Variants in DNMBP observed in about 807,000 individuals in gnomAD.
DNMBP encodes the protein dynamin binding protein, also known as dynamin-binding protein.
A neutral mutation model predicts 150.0 loss-of-function variants in DNMBP; 87 were observed. The ratio of observed to expected loss-of-function variants is 0.58; its 90% CI spans 0.49 to 0.69. The LOEUF is 0.69. DNMBP is among the 30% of genes least tolerant of loss of function. The probability of loss-of-function intolerance (pLI) is 0.00; values close to 1 mark genes in which losing one functional copy is unlikely to be tolerated. For synonymous variants in DNMBP, 711 were observed against 750.4 expected (o/e 0.95, Z 0.86); for missense variants, 1,774 against 1,949.0 (o/e 0.91, Z 1.69).
Position 99,885,779 on chromosome 10 carries a change from T to C in DNMBP, c.3706A>G (p.Thr1236Ala). 2 of 1,611,306 alleles carry C rather than the reference T, an allele frequency of 1.2e-6. No homozygotes were observed. Among genetic ancestry groups the C allele is most frequent in the Non-Finnish European group, 1.7e-6 (2 of 1,178,862 alleles). Residue 1236 changes from threonine (T) to alanine (A), a missense_variant, in exon 14 of 17, where the codon ACC becomes GCC. Thr to Ala is a moderately conservative substitution (Grantham distance 58). Around this residue, in one of 2 missense-constraint regions of DNMBP, gnomAD observed 1,430 missense variants for 1,492.5 expected, o/e 0.96. Transcript: ENST00000324109. ...SRVLQQLQVF[T>A]FFPESLPATK... ...GCTGGAAGAGACTCCGGGAAGAAGG[T>C]AAAAACCTGGAGTTGCTGCAGAACT...
At chr10:99,919,006 C>G in intron 4 of DNMBP, among the ~76,000 whole-genome samples, 1 of 152,244 alleles carries the variant, frequency 6.6e-6, no homozygotes, top group South Asian at 2.1e-4. Context: ...TTATGTCAGT[C>G]AATAAAACTT....
intron 1 of DNMBP, among the ~76,000 whole-genome samples, chr10:99,983,112 C>T (rs2040795982): frequency 6.6e-6 from 1 of 152,080 alleles, no homozygotes; most frequent in African/African-American, 2.4e-5. Flanking sequence ...AAAGAGATTC[C>T]CTTTCTGTAG....
Position 99,880,338 on chromosome 10 carries a change from A to T in DNMBP, c.4021T>A (p.Ser1341Thr). The T allele has an allele frequency of 6.2e-7, 1 of 1,600,974 alleles. No homozygotes were observed. Among genetic ancestry groups the T allele is most frequent in the Non-Finnish European group, 8.5e-7 (1 of 1,173,736 alleles). Residue 1341 changes from serine to threonine, a missense_variant, in exon 16 of 17, where the codon TCT (serine) becomes ACT (threonine). Ser to Thr is a moderately conservative substitution (Grantham distance 58, BLOSUM62 1). Around this residue, in one of 2 missense-constraint regions of DNMBP, gnomAD observed 1,430 missense variants for 1,492.5 expected, o/e 0.96. Transcript: ENST00000324109. Reference protein sequence around the residue: ...NGVTKGFVYSSFLKPYNPRRS... With the variant: ...NGVTKGFVYSTFLKPYNPRRS... ...CGAGGATTGTAGGGCTTTAGGAAAGAGCTGTACACGAAGCCTTTGGTGACT... is the reference window on the plus strand; with the variant it reads ...CGAGGATTGTAGGGCTTTAGGAAAGTGCTGTACACGAAGCCTTTGGTGACT...
intron 3 of DNMBP, among the ~76,000 whole-genome samples, chr10:99,965,232 A>G (rs999360333): frequency 1.3e-5 from 2 of 152,158 alleles, no homozygotes; most frequent in East Asian, 1.9e-4. Context: ...CATTTTGTAG[A>G]TAAGAAAACT....
chr10:99,878,347 C>T (rs903415583), intron 16 of DNMBP, among the ~76,000 whole-genome samples: 3 of 152,202 alleles, frequency 2.0e-5, no homozygotes, highest in African/African-American at 7.2e-5. Flanking sequence ...ACACGTGCCC[C>T]AAGGGCTGGA....
chr10:99,963,842 G>A (rs2040589101), intron 3 of DNMBP, among the ~76,000 whole-genome samples: 2 of 151,332 alleles, frequency 1.3e-5, no homozygotes, highest in Admixed American at 6.6e-5. Flanking sequence ...TGTGCTTTAT[G>A]CAGCCTGACC....
chr10:99,993,123 C>T (rs1285466858), intron 1 of DNMBP, among the ~76,000 whole-genome samples: 3 of 152,138 alleles, frequency 2.0e-5, no homozygotes, highest in Non-Finnish European at 4.4e-5. Flanking sequence ...ATATGTAAAG[C>T]ACTGAAAATA....
chr10:100,002,300 GA>G (rs111354488), intron 1 of DNMBP, among the ~76,000 whole-genome samples: 7,165 of 151,120 alleles, frequency 0.047, 191 homozygotes, highest in African/African-American at 0.067. Flanking sequence ...TCACAATTAG[GA>G]AAAAAAATGG....
intron 4 of DNMBP, among the ~76,000 whole-genome samples, chr10:99,954,744 CAAAAAAAAAAA>C (rs751589220): frequency 4.1e-5 from 2 of 48,816 alleles, no homozygotes; most frequent in East Asian, 6.8e-4. Context: ...AACTCTGTCT[CAAAAAAAAAAA>C]AAAAAAAAAA....
chr10:99,911,565 A>G (rs1341021543), intron 4 of DNMBP, among the ~76,000 whole-genome samples: 1 of 152,124 alleles, frequency 6.6e-6, no homozygotes, highest in Non-Finnish European at 1.5e-5. Context: ...TTAGTTCATT[A>G]AAGAAAAAAA....
At chr10:99,936,996 G>T (rs530314087) in intron 4 of DNMBP, among the ~76,000 whole-genome samples, 27 of 152,148 alleles carry the variant, frequency 1.8e-4, no homozygotes, top group African/African-American at 6.5e-4. Context: ...CATCTCCAGG[G>T]TTCAAGAGAT....
intron 8 of DNMBP, 103 bp from the exon 9 acceptor site, chr10:99,898,388 A>C (rs550988263): frequency 6.3e-5 from 55 of 870,182 alleles, no homozygotes; most frequent in Non-Finnish European, 1.0e-4. Context: ...TTTTTAACAT[A>C]ATAATAATGT....
intron 1 of DNMBP, among the ~76,000 whole-genome samples, chr10:99,988,812 C>G (rs528695756): frequency 6.6e-6 from 1 of 152,120 alleles, no homozygotes; most frequent in Non-Finnish European, 1.5e-5. Flanking sequence ...CAGGCATGAA[C>G]CACCATACCC....
chr10:99,954,042 T>C (rs1406756791), intron 4 of DNMBP, among the ~76,000 whole-genome samples: 1 of 151,914 alleles, frequency 6.6e-6, no homozygotes, highest in Non-Finnish European at 1.5e-5. Flanking sequence ...GAGATTCTTT[T>C]TTTTTTTGGA....
chr10:99,917,015 A>G (rs1389350147), intron 4 of DNMBP, among the ~76,000 whole-genome samples: 1 of 152,112 alleles, frequency 6.6e-6, no homozygotes, highest in East Asian at 1.9e-4. Flanking sequence ...AAAAACCAAA[A>G]GAGCAAAAGG....
chr10:99,900,583 C>T (rs1005479963), intron 6 of DNMBP, among the ~76,000 whole-genome samples: 4 of 151,894 alleles, frequency 2.6e-5, no homozygotes, highest in African/African-American at 4.8e-5. Flanking sequence ...CATCTGAGAG[C>T]GTTCTCCATG....
rs78882305 is a variant in DNMBP, at chr10:99,969,172, A to G, written c.211T>C (p.Phe71Leu). 1 of 1,613,974 alleles carries G rather than the reference A, an allele frequency of 6.2e-7. No homozygotes were observed. The highest frequency in any genetic ancestry group is 8.5e-7 in the Non-Finnish European group (1 of 1,179,958). Residue 71 changes from phenylalanine (F) to leucine (L), a missense_variant, in exon 3 of 17, where the codon TTT (phenylalanine) becomes CTT (leucine). Transcript: ENST00000324109. ...GATGTGAATTCACAAATGCACACAA[A>G]CAGCCTCTCTCCCTCTTTTAGACTG... ...IPSLKEGERL[F>L]VCICEFTSQE...
chr10:99,933,382 T>C (rs575242112), intron 4 of DNMBP, among the ~76,000 whole-genome samples: 2 of 152,214 alleles, frequency 1.3e-5, no homozygotes, highest in Non-Finnish European at 2.9e-5. Context: ...TTCTAAGTTG[T>C]GTATGTTTTT....
chr10:99,916,655 T>TAA (rs34566626), intron 4 of DNMBP, among the ~76,000 whole-genome samples: 43 of 149,326 alleles, frequency 2.9e-4, no homozygotes, highest in East Asian at 3.9e-4. Flanking sequence ...TTTTTCTACT[T>TAA]AAAAAAAAAA....
Sources: gnomAD v4.1 joint callset for allele counts (sites outside exome capture counted in the v4.1 genomes callset) on GRCh38, gnomAD v4.1.1 for gene constraint, gnomAD v4.1.1 regional missense constraint, MANE v1.5 for transcripts, NCBI Gene and HGNC (gene_info 2026-07-23, HGNC 2026-07-21) for gene names.